The following MEST variants were observed in gnomAD, a reference collection of about 807,000 sequenced individuals.
MEST encodes the protein mesoderm specific transcript, also known as mesoderm-specific transcript homolog protein.
In MEST, 18 loss-of-function variants were observed where a neutral mutation model predicts 50.9. The observed-to-expected ratio is 0.35, with a 90% CI of 0.24 to 0.52. The LOEUF (loss-of-function observed/expected upper bound fraction) is 0.52, where lower values mean the gene tolerates loss of function less well. Ranked by LOEUF, MEST falls within the 20% of genes least tolerant of loss-of-function variation. MEST has a pLI of 0.94. For synonymous variants in MEST, 130 were observed against 154.1 expected (o/e 0.84, Z 1.16); for missense variants, 282 against 425.3 (o/e 0.66, Z 2.96).
rs1799244594 is a variant in MEST at position 130,500,710 on chromosome 7, A to G, written c.648-79A>G. On this transcript the variant is annotated intron_variant, in intron 8 of 11. Coordinates refer to ENST00000223215, the MANE Select transcript of MEST (RefSeq NM_002402.4). This position sits in a 1 kb window ranked among gnomAD's most constrained non-coding sequence, Gnocchi z 5.0. ...GGTCAGACTGCATGGCCCAGACTGC[A>G]TGGCCTCTGAGGTTCCAGCCATATT... 3.1e-6 allele frequency: 4 copies of G among 1,310,156 alleles called. No homozygotes were observed. The highest frequency in any genetic ancestry group is 2.1e-5 in the Admixed American group (1 of 48,166). 81.2% of individuals were successfully genotyped at this position (1,310,156 alleles called of 1,614,324 possible).
intron 5 of MEST, 50 bp from the exon 6 acceptor site, chr7:130,498,369 C>T (rs1554437713): frequency 6.2e-7 from 1 of 1,611,796 alleles, no homozygotes; most frequent in East Asian, 2.2e-5. Context: ...CAGCGGTGCA[C>T]TGGTTTAAGT....
chr7:130,488,076 G>T (rs182080245), upstream of MEST: 1 of 152,336 alleles, frequency 6.6e-6, no homozygotes, highest in East Asian at 1.9e-4. Context: ...AACTAGGGAA[G>T]ACTGAGCTGT....
chr7:130,496,012 T>C, intron 2 of MEST: 1 of 446,118 alleles, frequency 2.2e-6, no homozygotes. Context: ...AGTTATGTTT[T>C]CAGCCTTCAT....
chr7:130,497,865 T>C lies in MEST; in HGVS notation c.262-71T>C. 7.2e-7 allele frequency: 1 copy of C among 1,392,600 alleles called. No homozygotes were observed. The highest frequency in any genetic ancestry group is 1.0e-6 in the Non-Finnish European group (1 of 978,646). The allele number at this position is 1,392,600 out of a possible 1,614,324, so 86.3% of individuals were successfully genotyped here. ...TAAGCCAAGATAGGGCTGAAGCTCC[T>C]GTGCAACTGTAGGTCTGGTGAAAGG... On this transcript the variant is annotated intron_variant, in intron 3 of 11. Transcript: ENST00000223215. The surrounding 1 kb of genome is among the most constrained non-coding windows in gnomAD (Gnocchi z 4.0).
rs782110825 is a variant in MEST, at chr7:130,500,431, T to G, written c.577-31T>G. On this transcript the variant is annotated intron_variant, in intron 7 of 11. Transcript: ENST00000223215. This position sits in a 1 kb window ranked among gnomAD's most constrained non-coding sequence, Gnocchi z 5.0. ...CCGGTGAGGATCTTCCTCTGGGTTC[T>G]TGAGCTTTACCTCCACTTATTCCCC... The G allele has an allele frequency of 2.5e-6, 4 of 1,602,616 alleles. No individual in the cohort carries two copies. In the East Asian group the frequency reaches 8.9e-5, roughly 36 times the overall value.
intron 6 of MEST, 67 bp from the exon 7 acceptor site, chr7:130,499,808 T>C: frequency 1.5e-6 from 2 of 1,341,942 alleles, no homozygotes; most frequent in South Asian, 2.6e-5. Flanking sequence ...CCCAGTGAGA[T>C]CCCGTCTCTA....
chr7:130,501,501 T>A (rs1482085858), intron 9 of MEST, among the ~76,000 whole-genome samples: 1 of 152,226 alleles, frequency 6.6e-6, no homozygotes, highest in African/African-American at 2.4e-5. Flanking sequence ...TATATTTTCC[T>A]TTCCAAAAAG....
Position 130,499,857 on chromosome 7 carries a change from G to A in MEST, c.536-18G>A, listed in dbSNP as rs1464469435. The A allele has an allele frequency of 1.9e-6, 3 of 1,595,172 alleles. No individual in the cohort carries two copies. In the Admixed American group the frequency reaches 5.4e-5, roughly 29 times the overall value. On this transcript the variant is annotated intron_variant, in intron 6 of 11. Coordinates refer to ENST00000223215, the MANE Select transcript of MEST (RefSeq NM_002402.4). ...ATTAAAGCTGTAGGTAAATGACTAA[G>A]ATAAGTCTCTTCTACAGGTATCTTT...
At chr7:130,504,080 G>GCTC (rs1799381489) in intron 11 of MEST, 84 bp downstream of exon 11, 2 of 1,103,420 alleles carry the variant, frequency 1.8e-6, no homozygotes, top group Non-Finnish European at 2.7e-6. Context: ...AGGGCTATTG[G>GCTC]CTCTAGCCAT....
In MEST at chr7:130,497,059, T is replaced by G; in HGVS notation, c.182-97T>G. On this transcript the variant is annotated intron_variant, in intron 2 of 11. Transcript: ENST00000223215. This position sits in a 1 kb window ranked among gnomAD's most constrained non-coding sequence, Gnocchi z 4.0. ...CATTTTAATGTCAATTTGGTCACAGTTGCTTGTTCTTTGTATCAGATTACT... is the reference window on the plus strand; with the variant it reads ...CATTTTAATGTCAATTTGGTCACAGGTGCTTGTTCTTTGTATCAGATTACT... 1 of 959,770 alleles carries G rather than the reference T, an allele frequency of 1.0e-6. No individual in the cohort carries two copies. Among genetic ancestry groups the G allele is most frequent in the Non-Finnish European group, 1.6e-6 (1 of 643,472 alleles). The allele number at this position is 959,770 out of a possible 1,614,324, so 59.5% of individuals were successfully genotyped here.
At position 130,498,225 on chromosome 7, in the gene MEST, C is replaced by T; in HGVS notation, c.426C>T (p.Asn142=). The change falls in exon 5 of 12, where the codon AAC becomes AAT. Residue 142 remains asparagine, a synonymous_variant. Transcript: ENST00000223215. ...RHLGLQNRRI[N]LLSHDYGDIV... ...TGGGGCTCCAGAACCGCAGGATCAA[C>T]CTTCTTTCTCATGACTATGGAGATA... 3 of 1,614,196 alleles carry T rather than the reference C, an allele frequency of 1.9e-6. No individual in the cohort carries two copies. Among genetic ancestry groups the T allele is most frequent in the Non-Finnish European group, 2.5e-6 (3 of 1,180,028 alleles).
chr7:130,498,740 AGT>A (rs1799165377), intron 6 of MEST: 1 of 558,920 alleles, frequency 1.8e-6, no homozygotes, highest in Non-Finnish European at 3.2e-6. Context: ...GCTGCATTAT[AGT>A]CACATGTGCT....
chr7:130,503,509 A>G (rs1216728015), intron 10 of MEST, among the ~76,000 whole-genome samples: 1 of 152,224 alleles, frequency 6.6e-6, no homozygotes, highest in Non-Finnish European at 1.5e-5. Flanking sequence ...AAAATTATTT[A>G]TAGAAAATAT....
chr7:130,489,607 C>T (rs927223573), upstream of MEST: 11 of 152,274 alleles, frequency 7.2e-5, no homozygotes, highest in African/African-American at 2.4e-4. Context: ...TTTGAGCTGA[C>T]TTCTGTACTC....
At chr7:130,496,140 G>A (rs1393189017) in intron 2 of MEST, 4 of 468,180 alleles carry the variant, frequency 8.5e-6, no homozygotes, top group Non-Finnish European at 1.8e-5. Context: ...GAGCAATAAC[G>A]AAAAATGTTT....
chr7:130,501,000 T>C lies in MEST; in HGVS notation c.749+110T>C. 1.1e-6 allele frequency: 1 copy of C among 915,292 alleles called. No individual in the cohort carries two copies. Among genetic ancestry groups the C allele is most frequent in the East Asian group, 2.6e-5 (1 of 38,836 alleles). The allele number at this position is 915,292 out of a possible 1,614,324, so 56.7% of individuals were successfully genotyped here. A position where few individuals can be genotyped will look rare whatever the true frequency, so the allele number is the denominator to read the frequency against. On this transcript the variant is annotated intron_variant, in intron 9 of 11. Coordinates refer to ENST00000223215, the MANE Select transcript of MEST (RefSeq NM_002402.4). The surrounding 1 kb of genome is among the most constrained non-coding windows in gnomAD (Gnocchi z 5.0). The stretch of plus-strand genomic sequence containing the variant: ...TTCCCTATCACAGGAAGGCTGATGA[T>C]GACCTATGGGGCAAACCAAAAAGTC...
At chr7:130,501,259 C>A (rs997203741) in intron 9 of MEST, among the ~76,000 whole-genome samples, 5 of 152,152 alleles carry the variant, frequency 3.3e-5, no homozygotes, top group Non-Finnish European at 7.4e-5. Flanking sequence ...AGAATGTAGA[C>A]ACTTTCACAA....
intron 11 of MEST, 33 bp from the exon 12 acceptor site, chr7:130,504,906 C>T (rs1327702951): frequency 2.6e-6 from 4 of 1,565,338 alleles, no homozygotes; most frequent in Non-Finnish European, 3.5e-6. Flanking sequence ...GCTCCAGCCT[C>T]AAGTTCACCT....
Position 130,505,211 on chromosome 7 carries a change from A to G in MEST, c.*155A>G. The G allele has an allele frequency of 1.6e-6, 1 of 621,446 alleles. No homozygotes were observed. Among genetic ancestry groups the G allele is most frequent in the East Asian group, 2.6e-5 (1 of 39,102 alleles). 38.5% of individuals were successfully genotyped at this position (621,446 alleles called of 1,614,324 possible). ...AAATTGGTGAACAGTGTATAGGAAG[A>G]AGCCAGCAGGAGCTCTGACTAAGGT... On this transcript the variant is annotated 3_prime_UTR_variant, in exon 12 of 12. Transcript: ENST00000223215.
Sources: allele counts gnomAD v4.1 joint callset (sites outside exome capture counted in the v4.1 genomes callset), GRCh38; gene constraint gnomAD v4.1.1; non-coding constraint Gnocchi (gnomAD v3.1); transcripts MANE v1.5; gene names NCBI Gene and HGNC (gene_info 2026-07-23, HGNC 2026-07-21).